The following DCC variants were observed in gnomAD, a reference collection of about 807,000 sequenced individuals.
The protein encoded by DCC is netrin receptor DCC.
A neutral mutation model predicts 172.5 loss-of-function variants in DCC; 58 were observed. The ratio of observed to expected loss-of-function variants is 0.34; its 90% CI spans 0.27 to 0.42. The LOEUF is 0.42. Among genes scored for constraint, DCC ranks in the 10% least tolerant of loss-of-function variants. The pLI, the probability that DCC is intolerant of heterozygous loss-of-function variation, is 1.00. For synonymous variants in DCC, 709 were observed against 644.5 expected (o/e 1.10, Z -1.52); for missense variants, 1,740 against 1,791.0 (o/e 0.97, Z 0.51).
At chr18:52,515,466 G>A (rs1415826554) in intron 1 of DCC, among the ~76,000 whole-genome samples, 1 of 151,032 alleles carries the variant, frequency 6.6e-6, no homozygotes, top group East Asian at 1.9e-4. Context: ...AATTATCCGG[G>A]TGCAGTGGCA....
chr18:53,091,856 T>TATCA (rs1555710016), intron 7 of DCC, among the ~76,000 whole-genome samples: 22,364 of 102,836 alleles, frequency 0.22, 1,976 homozygotes, highest in East Asian at 0.49. Flanking sequence ...TCTATCAATC[T>TATCA]ATCTATATAT....
intron 5 of DCC, among the ~76,000 whole-genome samples, chr18:53,019,902 T>C (rs554829427): frequency 1.3e-5 from 2 of 152,296 alleles, no homozygotes; most frequent in South Asian, 4.1e-4. Flanking sequence ...TGGATGTAGA[T>C]ATTAGGAATT....
chr18:52,442,627 T>C (rs563618746), intron 1 of DCC, among the ~76,000 whole-genome samples: 1 of 152,332 alleles, frequency 6.6e-6, no homozygotes, highest in East Asian at 1.9e-4. Context: ...CCCTCCTTGA[T>C]GGACATCTCT....
intron 1 of DCC, chr18:52,419,388 A>G (rs1434929300): frequency 6.6e-6 from 1 of 152,162 alleles, no homozygotes; most frequent in Non-Finnish European, 1.5e-5. Context: ...CACTCTGTGA[A>G]CATAGAAAAC....
chr18:53,289,935 T>C lies in DCC; in HGVS notation c.1912-15643T>C, dbSNP rs1336160149. Among the ~76,000 whole-genome samples the C allele has an allele frequency of 2.0e-5, 3 of 152,296 alleles. No homozygotes were observed. In the East Asian group the frequency reaches 5.8e-4, roughly 29 times the overall value. On this transcript the variant is annotated intron_variant, in intron 12 of 28. Coordinates refer to ENST00000442544, the MANE Select transcript of DCC (RefSeq NM_005215.4). ...AGAAAATGGGAATGGATTTTAGATT[T>C]GTGTGCTTGAGGAGAGGGAATGAAA...
chr18:52,946,631 C>T (rs1382078107), intron 5 of DCC, among the ~76,000 whole-genome samples: 1 of 152,112 alleles, frequency 6.6e-6, no homozygotes, highest in Non-Finnish European at 1.5e-5. Context: ...ATGGTGATAG[C>T]AGAAATTCAA....
intron 12 of DCC, among the ~76,000 whole-genome samples, 156 bp downstream of exon 12, chr18:53,215,753 C>T (rs966717906): frequency 6.6e-6 from 1 of 152,200 alleles, no homozygotes; most frequent in African/African-American, 2.4e-5. Flanking sequence ...ATCCCACATC[C>T]TCTTCCATCA....
chr18:52,973,254 TTTAG>T (rs2041060382), intron 5 of DCC, among the ~76,000 whole-genome samples: 2 of 152,318 alleles, frequency 1.3e-5, no homozygotes, highest in Middle Eastern at 3.4e-3. Flanking sequence ...GTTTAATAAC[TTTAG>T]TTAAAGGAAT....
At chr18:52,575,743 A>G (rs1043661303) in intron 1 of DCC, among the ~76,000 whole-genome samples, 1 of 152,208 alleles carries the variant, frequency 6.6e-6, no homozygotes, top group Non-Finnish European at 1.5e-5. Flanking sequence ...TGCTCCATAA[A>G]ATAGAAATTT....
chr18:53,269,877 C>T (rs1332688006), intron 12 of DCC, among the ~76,000 whole-genome samples: 1 of 152,082 alleles, frequency 6.6e-6, no homozygotes, highest in South Asian at 2.1e-4. Flanking sequence ...TAGAGGTGAG[C>T]CCCCTAGAGT....
At chr18:52,691,472 T>C (rs2035929150) in intron 1 of DCC, among the ~76,000 whole-genome samples, 2 of 152,126 alleles carry the variant, frequency 1.3e-5, no homozygotes, top group Non-Finnish European at 2.9e-5. Context: ...CTGGAGGCTT[T>C]AGAGAAGAAT....
At chr18:53,080,220 T>C (rs1050743040) in intron 7 of DCC, among the ~76,000 whole-genome samples, 1 of 152,036 alleles carries the variant, frequency 6.6e-6, no homozygotes, top group African/African-American at 2.4e-5. Flanking sequence ...TGCAGGTGGA[T>C]TAGGAATTGG....
At chr18:53,432,542 C>T (rs140456204) in intron 21 of DCC, among the ~76,000 whole-genome samples, 5 of 152,108 alleles carry the variant, frequency 3.3e-5, no homozygotes, top group South Asian at 2.1e-4. Flanking sequence ...CTCTCTTTCT[C>T]GAAATCAGTG....
chr18:53,083,048 C>T (rs573482237), intron 7 of DCC, among the ~76,000 whole-genome samples: 22 of 151,986 alleles, frequency 1.4e-4, no homozygotes, highest in African/African-American at 5.1e-4. Context: ...GCTATTTCTC[C>T]CACAAATTTT....
chr18:52,802,511 C>T (rs1003340980), intron 2 of DCC, among the ~76,000 whole-genome samples: 13 of 151,292 alleles, frequency 8.6e-5, no homozygotes, highest in African/African-American at 3.2e-4. Context: ...GTCTCACTCT[C>T]TTGTCCAGGC....
chr18:52,517,538 G>T (rs2031680664), intron 1 of DCC, among the ~76,000 whole-genome samples: 1 of 152,144 alleles, frequency 6.6e-6, no homozygotes, highest in African/African-American at 2.4e-5. Flanking sequence ...AAACATCCAA[G>T]TTGTACCAAA....
intron 2 of DCC, among the ~76,000 whole-genome samples, chr18:52,784,592 T>C (rs1460899857): frequency 2.0e-5 from 3 of 152,116 alleles, no homozygotes; most frequent in Non-Finnish European, 4.4e-5. Context: ...TTTTTGTCTT[T>C]TTGTTAATAG....
chr18:52,824,829 G>A (rs371541351), intron 2 of DCC, among the ~76,000 whole-genome samples: 5 of 152,036 alleles, frequency 3.3e-5, no homozygotes, highest in Admixed American at 6.6e-5. Context: ...AATTAGCCAG[G>A]CATGGTGACA....
At chr18:52,436,674 GAGGTGGGTGGATCACCTGGGGCC>G (rs2144485475) in intron 1 of DCC, among the ~76,000 whole-genome samples, 1 of 152,354 alleles carries the variant, frequency 6.6e-6, no homozygotes, top group Admixed American at 6.5e-5. Context: ...TTAGGAGGCT[GAGGTGGGTGGATCACCTGGGGCC>G]AGGAGTTCGA....
Sources: allele counts gnomAD v4.1 joint callset (sites outside exome capture counted in the v4.1 genomes callset), GRCh38; gene constraint gnomAD v4.1.1; transcripts MANE v1.5; gene names NCBI Gene and HGNC (gene_info 2026-07-23, HGNC 2026-07-21).